The following ASMT variants were observed in gnomAD, a reference collection of about 807,000 sequenced individuals.
The protein encoded by ASMT is acetylserotonin N-methyltransferase.
A neutral mutation model predicts 41.3 loss-of-function variants in ASMT; 53 were observed. That is an observed-to-expected ratio of 1.28 (90% confidence interval 1.03 to 1.61). ASMT has a LOEUF of 1.61. ASMT is among the 40% of genes most tolerant of loss of function. The pLI is 0.00. For synonymous variants in ASMT, 231 were observed against 184.8 expected (o/e 1.25, Z -2.03); for missense variants, 531 against 441.3 (o/e 1.20, Z -1.82).
rs1463329289 is a variant in ASMT, at chrX:1,642,139, T to C, written c.911-664T>C. ...ACGGTGTCCCAGTTCTCCTGTGAGGTCCACCCATCCTGATGGTCCATGAGG... is the reference window on the plus strand; with the variant it reads ...ACGGTGTCCCAGTTCTCCTGTGAGGCCCACCCATCCTGATGGTCCATGAGG... On this transcript the variant is annotated intron_variant, in intron 8 of 8. Coordinates refer to ENST00000381241, the MANE Select transcript of ASMT (RefSeq NM_001171038.2). Among the ~76,000 whole-genome samples the C allele has an allele frequency of 8.4e-5, 12 of 142,604 alleles. 1 individual carries two copies. 93.6% of individuals were successfully genotyped at this position (142,604 alleles called of 152,430 possible). A position where few individuals can be genotyped will look rare whatever the true frequency, so the allele number is the denominator to read the frequency against.
chrX:1,620,275 G>A (rs1316522359), intron 1 of ASMT, among the ~76,000 whole-genome samples: 4 of 145,450 alleles, frequency 2.8e-5, no homozygotes, highest in East Asian at 4.4e-4. Flanking sequence ...GGGTTCAGGC[G>A]ATTCTCCTGC....
At chrX:1,642,605 G>GTAT (rs1935232696) in intron 8 of ASMT, among the ~76,000 whole-genome samples, 198 bp from the exon 9 acceptor site, 1 of 151,810 alleles carries the variant, frequency 6.6e-6, no homozygotes, top group African/African-American at 2.4e-5. Context: ...TGTGTGTGAT[G>GTAT]GGGACAGTGT....
rs192115217 is a variant in ASMT, at chrX:1,622,613, G to T, written c.70-526G>T. Among the ~76,000 whole-genome samples the T allele has an allele frequency of 3.8e-3, 576 of 151,984 alleles. 17 individuals are homozygous for T. Among genetic ancestry groups the T allele is most frequent in the Non-Finnish European group, 2.1e-3 (145 of 67,972 alleles). The stretch of plus-strand genomic sequence containing the variant: ...AGACATTTTTAAATGAGGTTGCACG[G>T]CTATGGAAAACAGGGTGGGGCCAGG... On this transcript the variant is annotated intron_variant, in intron 1 of 8. Transcript: ENST00000381241.
intron 1 of ASMT, among the ~76,000 whole-genome samples, chrX:1,619,587 T>TAAA (rs1266154476): frequency 1.9e-3 from 265 of 136,172 alleles, no homozygotes; most frequent in African/African-American, 6.9e-3. Flanking sequence ...ATAATAATAA[T>TAAA]AAAAAGTCTT....
chrX:1,627,837 A>G, intron 4 of ASMT, 66 bp downstream of exon 4: 1 of 1,475,588 alleles, frequency 6.8e-7, no homozygotes, highest in Non-Finnish European at 9.5e-7. Context: ...AGGACTTAGG[A>G]AACCCAATCC....
chrX:1,615,692 C>T (rs1439078685), intron 1 of ASMT, among the ~76,000 whole-genome samples: 1 of 151,766 alleles, frequency 6.6e-6, no homozygotes. Context: ...ATCCCAGCTA[C>T]TTGGGAGGCT....
Position 1,626,521 on chromosome X carries a change from A to C in ASMT, c.375-1182A>C, listed in dbSNP as rs1405407393. Among the ~76,000 whole-genome samples the C allele has an allele frequency of 2.6e-5, 4 of 152,206 alleles. No homozygotes were observed. The South Asian group carries it at 8.3e-4, about 32-fold the overall frequency. ...AGTGTTAGGATTATAGGTGTGAGCC[A>C]CCACGCCCAGCCTTTGATTTTCTTC... On this transcript the variant is annotated intron_variant, in intron 3 of 8. Coordinates refer to ENST00000381241, the MANE Select transcript of ASMT (RefSeq NM_001171038.2).
chrX:1,615,304 T>A, intron 1 of ASMT, 36 bp downstream of exon 1: 1 of 1,541,914 alleles, frequency 6.5e-7, no homozygotes, highest in South Asian at 1.2e-5. Context: ...GGGAATAGAC[T>A]TCCGTTCATC....
intron 8 of ASMT, among the ~76,000 whole-genome samples, chrX:1,642,033 C>G (rs1228007640): frequency 6.9e-6 from 1 of 144,346 alleles, no homozygotes; most frequent in Non-Finnish European, 1.5e-5. Flanking sequence ...GGGATAGCAT[C>G]CCAGTGTCCT....
At chrX:1,642,773 G>A in intron 8 of ASMT, 30 bp from the exon 9 acceptor site, 1 of 1,594,860 alleles carries the variant, frequency 6.3e-7, no homozygotes, top group Non-Finnish European at 8.6e-7. Flanking sequence ...GTGTTTGTGT[G>A]TGATGTGGAC....
intron 7 of ASMT, among the ~76,000 whole-genome samples, chrX:1,634,656 C>CT (rs1246313271): frequency 9.4e-6 from 1 of 105,842 alleles, no homozygotes; most frequent in Admixed American, 1.0e-4. Flanking sequence ...TGAGTTAACC[C>CT]CCCCCCTTTT....
chrX:1,622,586 G>A (rs1214905259), intron 1 of ASMT, among the ~76,000 whole-genome samples: 3 of 151,950 alleles, frequency 2.0e-5, no homozygotes, highest in Non-Finnish European at 4.4e-5. Flanking sequence ...CACCCAGCCA[G>A]GAGACATTTT....
intron 4 of ASMT, among the ~76,000 whole-genome samples, 168 bp from the exon 5 acceptor site, chrX:1,629,653 C>T (rs779561962): frequency 6.6e-6 from 1 of 152,144 alleles, no homozygotes; most frequent in Admixed American, 6.6e-5. Context: ...GCTGGCTGAC[C>T]TATGGTTCCC....
intron 5 of ASMT, among the ~76,000 whole-genome samples, chrX:1,631,845 T>C (rs6588808): frequency 0.84 from 128,238 of 151,964 alleles, 54,180 homozygotes; most frequent in South Asian, 0.89. Context: ...GTCAGGAGTT[T>C]GAGACCAGCC....
At chrX:1,633,406 C>T (rs1934849267) in intron 7 of ASMT, 116 bp downstream of exon 7, 1 of 1,242,320 alleles carries the variant, frequency 8.0e-7, no homozygotes, top group Non-Finnish European at 1.2e-6. Flanking sequence ...CCCGGAAACA[C>T]CCTCAACTCA....
At chrX:1,631,161 G>A (rs1390675034) in intron 5 of ASMT, among the ~76,000 whole-genome samples, 9 of 150,916 alleles carry the variant, frequency 6.0e-5, no homozygotes, top group East Asian at 5.9e-4. Flanking sequence ...TGATCCACCC[G>A]CCTCCGCCTC....
intron 3 of ASMT, among the ~76,000 whole-genome samples, chrX:1,626,596 C>T (rs1348052475): frequency 3.9e-4 from 59 of 152,074 alleles, no homozygotes; most frequent in Non-Finnish European, 6.5e-4. Context: ...AAGTGAGCCA[C>T]GTAATATAGG....
Position 1,623,228 on chromosome X carries a change from G to A in ASMT, c.159G>A (p.Val53=). ...PLDVAAVAAG[V]RASAHGTELL... ...ACGTGGCGGCAGTGGCTGCAGGTGT[G>A]AGGGCCAGCGCCCATGGGACAGAGC... The change falls in exon 2 of 9, where the codon GTG becomes GTA. Residue 53 remains valine (V), a synonymous_variant. Transcript: ENST00000381241. The A allele has an allele frequency of 3.7e-6, 6 of 1,613,768 alleles. No homozygotes were observed. The highest frequency in any genetic ancestry group is 5.1e-6 in the Non-Finnish European group (6 of 1,179,882).
chrX:1,615,363 A>T, intron 1 of ASMT, 95 bp downstream of exon 1: 2 of 1,208,844 alleles, frequency 1.7e-6, no homozygotes, highest in Non-Finnish European at 2.4e-6. Flanking sequence ...ATGAGTCTCC[A>T]TCATTTTAGG....
Sources: allele counts gnomAD v4.1 joint callset (sites outside exome capture counted in the v4.1 genomes callset), GRCh38; gene constraint gnomAD v4.1.1; transcripts MANE v1.5; gene names NCBI Gene and HGNC (gene_info 2026-07-23, HGNC 2026-07-21).